Variants in SNAPC1 observed in about 807,000 individuals in gnomAD.
The protein encoded by SNAPC1 is snRNA-activating protein complex subunit 1.
SNAPC1 carries 42 observed loss-of-function variants against 50.1 expected under a neutral mutation model. That is an observed-to-expected ratio of 0.84 (90% CI 0.65 to 1.08). The LOEUF is 1.08. Ranked by LOEUF, SNAPC1 falls within the 50% of genes least tolerant of loss-of-function variation. SNAPC1 has a pLI of 0.00. For synonymous variants in SNAPC1, 164 were observed against 144.2 expected (o/e 1.14, Z -0.98); for missense variants, 477 against 427.3 (o/e 1.12, Z -1.02).
intron 8 of SNAPC1, among the ~76,000 whole-genome samples, chr14:61,788,682 G>C (rs769274560): frequency 6.6e-6 from 1 of 152,144 alleles, no homozygotes; most frequent in Non-Finnish European, 1.5e-5. Context: ...GATAATGAAA[G>C]TGTGAGGAAA....
At chr14:61,768,357 C>G (rs543332806) in intron 3 of SNAPC1, among the ~76,000 whole-genome samples, 1 of 152,154 alleles carries the variant, frequency 6.6e-6, no homozygotes, top group African/African-American at 2.4e-5. Context: ...AATTGAGACA[C>G]TAGGTTGAAG....
At position 61,794,941 on chromosome 14, in the gene SNAPC1, G is replaced by A; in HGVS notation, c.1073-8G>A. The A allele has an allele frequency of 6.5e-7, 1 of 1,546,222 alleles. No individual in the cohort carries two copies. The highest frequency in any genetic ancestry group is 1.4e-5 in the African/African-American group (1 of 71,412). ...GATCTGACTGACTTTTAAACTTTAT[G>A]TCTTTAGAGTTCACTGCATCCAAGA... On this transcript the variant is annotated splice_region_variant and splice_polypyrimidine_tract_variant and intron_variant, in intron 9 of 9. Transcript: ENST00000216294.
chr14:61,785,951 G>A (rs2045113043), intron 8 of SNAPC1, among the ~76,000 whole-genome samples: 1 of 151,962 alleles, frequency 6.6e-6, no homozygotes, highest in Non-Finnish European at 1.5e-5. Flanking sequence ...GTGATTTTGG[G>A]GTCCGAAGAT....
rs188117614 is a variant in SNAPC1, at chr14:61,781,375, G to A, written c.826-872G>A. ...AAGGCAGGAGAATGGCGTGAACCCC[G>A]GGAGGTAGAGGTTGCAGCGAGCTGA... is the stretch of plus-strand genomic sequence containing the variant. On this transcript the variant is annotated intron_variant, in intron 7 of 9. Coordinates refer to ENST00000216294, the MANE Select transcript of SNAPC1 (RefSeq NM_003082.4). Among the ~76,000 whole-genome samples the A allele has an allele frequency of 3.4e-3, 509 of 151,386 alleles. 3 individuals are homozygous for A. The highest frequency in any genetic ancestry group is 0.011 in the African/African-American group (469 of 41,220).
intron 4 of SNAPC1, among the ~76,000 whole-genome samples, chr14:61,769,812 A>G (rs1312763416): frequency 1.3e-5 from 2 of 152,228 alleles, no homozygotes; most frequent in East Asian, 1.9e-4. Context: ...AATCTTATGC[A>G]TGGATAAGTA....
At chr14:61,783,554 G>C (rs1438163432) in intron 8 of SNAPC1, among the ~76,000 whole-genome samples, 1 of 34,168 alleles carries the variant, frequency 2.9e-5, no homozygotes, top group African/African-American at 1.2e-4. Context: ...TTTTTTTCTT[G>C]AGACAGAGTC....
chr14:61,792,667 C>A, intron 8 of SNAPC1, 140 bp from the exon 9 acceptor site: 1 of 435,502 alleles, frequency 2.3e-6, no homozygotes, highest in Non-Finnish European at 4.2e-6. Context: ...TTCTAGAATG[C>A]GTATTTCTGT....
At chr14:61,783,909 G>T (rs892147363) in intron 8 of SNAPC1, among the ~76,000 whole-genome samples, 3 of 152,048 alleles carry the variant, frequency 2.0e-5, no homozygotes, top group Non-Finnish European at 2.9e-5. Flanking sequence ...TTGATTAACA[G>T]GTTTACTTAA....
At chr14:61,778,361 A>G (rs528319346) in intron 6 of SNAPC1, among the ~76,000 whole-genome samples, 1 of 152,236 alleles carries the variant, frequency 6.6e-6, no homozygotes, top group African/African-American at 2.4e-5. Flanking sequence ...AAGCTTGACT[A>G]TGGAAAGTGC....
chr14:61,794,895 TTTG>T, intron 9 of SNAPC1, 51 bp from the exon 10 acceptor site: 3 of 1,286,386 alleles, frequency 2.3e-6, no homozygotes, highest in Non-Finnish European at 3.4e-6. Flanking sequence ...GTTTTTTTTG[TTTG>T]TTTTTTTTTT....
At chr14:61,782,533 A>G in intron 8 of SNAPC1, 136 bp downstream of exon 8, 1 of 624,054 alleles carries the variant, frequency 1.6e-6, no homozygotes, top group Non-Finnish European at 2.7e-6. Context: ...AATATTAAAA[A>G]TAAATTCTGT....
intron 8 of SNAPC1, among the ~76,000 whole-genome samples, chr14:61,789,062 C>T (rs11158359): frequency 9.9e-5 from 15 of 151,838 alleles, no homozygotes. Context: ...GAAACCCCAC[C>T]TCTACTGAAA....
chr14:61,786,701 G>A (rs2045117687), intron 8 of SNAPC1, among the ~76,000 whole-genome samples: 1 of 152,212 alleles, frequency 6.6e-6, no homozygotes, highest in Non-Finnish European at 1.5e-5. Context: ...TACTTTTCTG[G>A]TGTGAATCCA....
In SNAPC1 at chr14:61,769,086, A is replaced by G. The variant is rs866941050; in HGVS notation, c.534+346A>G. On this transcript the variant is annotated intron_variant, in intron 4 of 9. Coordinates refer to ENST00000216294, the MANE Select transcript of SNAPC1 (RefSeq NM_003082.4). Reference sequence around the variant, plus strand: ...AAAAAAACAATATACATGACCAGGCATGGTGGCTCACACCTGTAATCTCAG... The same window carrying G: ...AAAAAAACAATATACATGACCAGGCGTGGTGGCTCACACCTGTAATCTCAG... Among the ~76,000 whole-genome samples the G allele has an allele frequency of 3.3e-5, 5 of 152,308 alleles. No homozygotes were observed. In the South Asian group the frequency reaches 8.3e-4, roughly 25 times the overall value.
At position 61,783,503 on chromosome 14, in the gene SNAPC1, G is replaced by A. The variant is rs189767392; in HGVS notation, c.976+1106G>A. 2.0e-3 allele frequency among the ~76,000 whole-genome samples: 269 copies of A among 136,612 alleles called. 7 individuals carry two copies. Among genetic ancestry groups the A allele is most frequent in the Non-Finnish European group, 7.5e-4 (47 of 62,724 alleles). 89.6% of individuals were successfully genotyped at this position (136,612 alleles called of 152,430 possible). On this transcript the variant is annotated intron_variant, in intron 8 of 9. Transcript: ENST00000216294. Reference sequence around the variant, plus strand: ...CTTTCTTCTTAAGGAAATTACTTTCGTATATATTTCAATAGTTTGGTTTGG... The same window carrying A: ...CTTTCTTCTTAAGGAAATTACTTTCATATATATTTCAATAGTTTGGTTTGG...
chr14:61,792,564 ATTCC>A (rs1463176195), intron 8 of SNAPC1, among the ~76,000 whole-genome samples: 1 of 152,128 alleles, frequency 6.6e-6, no homozygotes, highest in Non-Finnish European at 1.5e-5. Flanking sequence ...AATTTTGTTT[ATTCC>A]TTTTTTCTCT....
In SNAPC1 at chr14:61,762,480, T is replaced by G. The variant is rs774629397; in HGVS notation, c.20T>G (p.Leu7Arg). 2 of 1,208,194 alleles carry G rather than the reference T, an allele frequency of 1.7e-6. No individual in the cohort carries two copies. Among genetic ancestry groups the G allele is most frequent in the East Asian group, 6.0e-5 (2 of 33,354 alleles). The allele number at this position is 1,208,194 out of a possible 1,614,324, so 74.8% of individuals were successfully genotyped here. A position where few individuals can be genotyped will look rare whatever the true frequency, so the allele number is the denominator to read the frequency against. ...GGTGCCATGGGGACTCCTCCCGGCC[T>G]GCAGACCGACTGCGAGGCGCTGCTC... is the stretch of plus-strand genomic sequence containing the variant. MGTPPG[L>R]QTDCEALLSR... Residue 7 changes from leucine to arginine, a missense_variant, in exon 1 of 10, where the codon CTG (leucine) becomes CGG (arginine). By Grantham distance (102) the Leu-to-Arg change is moderately radical. Coordinates refer to ENST00000216294, the MANE Select transcript of SNAPC1 (RefSeq NM_003082.4).
chr14:61,768,805 G>A (rs1009069745), intron 4 of SNAPC1, 65 bp downstream of exon 4: 7 of 784,042 alleles, frequency 8.9e-6, no homozygotes, highest in East Asian at 2.6e-5. Context: ...ACATATTGAG[G>A]TTATACCTTC....
intron 7 of SNAPC1, among the ~76,000 whole-genome samples, chr14:61,779,576 GT>G (rs913061471): frequency 6.7e-6 from 1 of 150,132 alleles, no homozygotes; most frequent in African/African-American, 2.4e-5. Context: ...TTTTTTAAAT[GT>G]ATTTTTCTTT....
Sources: gnomAD v4.1 joint callset for allele counts (sites outside exome capture counted in the v4.1 genomes callset) on GRCh38, gnomAD v4.1.1 for gene constraint, MANE v1.5 for transcripts, NCBI Gene and HGNC (gene_info 2026-07-23, HGNC 2026-07-21) for gene names.